The following TNS4 variants were observed in gnomAD, a reference collection of about 807,000 sequenced individuals.
TNS4 encodes tensin-4.
TNS4 carries 46 observed loss-of-function variants against 70.4 expected under a neutral mutation model. The ratio of observed to expected loss-of-function variants is 0.65; its 90% confidence interval spans 0.52 to 0.84. The LOEUF is 0.84. Ranked by LOEUF, TNS4 falls within the 40% of genes least tolerant of loss-of-function variation. The pLI, the probability that TNS4 is intolerant of heterozygous loss-of-function variation, is 0.00. For synonymous variants in TNS4, 390 were observed against 366.6 expected, an observed-to-expected ratio of 1.06 and a Z score of -0.73; for missense variants, 863 against 907.0, an observed-to-expected ratio of 0.95 and a Z score of 0.62.
intron 10 of TNS4, among the ~76,000 whole-genome samples, chr17:40,478,916 A>G (rs1028077437): frequency 2.0e-5 from 3 of 152,016 alleles, no homozygotes; most frequent in Non-Finnish European, 4.4e-5. Context: ...TTTTTTGGCC[A>G]CTAACTTTTT....
chr17:40,476,397 T>C lies in TNS4; in HGVS notation c.*1191A>G, dbSNP rs2035848523. The C allele has an allele frequency of 6.7e-6, 1 of 150,008 alleles. No homozygotes were observed. Among genetic ancestry groups the C allele is most frequent in the South Asian group, 2.1e-4 (1 of 4,658 alleles). 9.3% of individuals were successfully genotyped at this position (150,008 alleles called of 1,614,324 possible). ...GTGTGTGTGTGTGTGTGTGTGTGTG[T>C]GTGTGTGTGTGTGTGTGTGTGTGTG... On this transcript the variant is annotated 3_prime_UTR_variant, in exon 13 of 13. Coordinates refer to ENST00000254051, the MANE Select transcript of TNS4 (RefSeq NM_032865.6).
intron 2 of TNS4, among the ~76,000 whole-genome samples, chr17:40,490,769 G>A (rs2036058307): frequency 6.6e-6 from 1 of 152,228 alleles, no homozygotes; most frequent in Middle Eastern, 3.2e-3. Context: ...TGGCTTTGCT[G>A]CTTTTCAGCC....
chr17:40,483,721 C>A (rs1238578144), intron 6 of TNS4, among the ~76,000 whole-genome samples: 1 of 152,166 alleles, frequency 6.6e-6, no homozygotes, highest in African/African-American at 2.4e-5. Context: ...CCCCAGAGGT[C>A]ACTTTCTTAT....
intron 2 of TNS4, among the ~76,000 whole-genome samples, chr17:40,493,528 C>T (rs1277870486): frequency 6.6e-6 from 1 of 152,156 alleles, no homozygotes; most frequent in East Asian, 1.9e-4. Context: ...GCTGACCTGG[C>T]TGGGTTGTCT....
chr17:40,493,010 A>G (rs2036096047), intron 2 of TNS4, among the ~76,000 whole-genome samples: 1 of 152,036 alleles, frequency 6.6e-6, no homozygotes, highest in Non-Finnish European at 1.5e-5. Context: ...GAAAAAAAAA[A>G]TAAGAAATTA....
In TNS4 at chr17:40,496,496, C is replaced by T; in HGVS notation, c.-71G>A. On this transcript the variant is annotated 5_prime_UTR_variant, in exon 2 of 13. It adds an upstream start codon to the 5' untranslated region. Coordinates refer to ENST00000254051, the MANE Select transcript of TNS4 (RefSeq NM_032865.6). ...CCTCACTGACATCCCAGAGATCTCA[C>T]TTGCTAACCAGGAGCTCCCAGGATC... The T allele has an allele frequency of 2.0e-6, 3 of 1,483,276 alleles. No homozygotes were observed. The highest frequency in any genetic ancestry group is 2.7e-6 in the Non-Finnish European group (3 of 1,110,546). 91.9% of individuals were successfully genotyped at this position (1,483,276 alleles called of 1,614,324 possible).
At chr17:40,489,849 G>A (rs1471216344) in intron 2 of TNS4, among the ~76,000 whole-genome samples, 1 of 150,986 alleles carries the variant, frequency 6.6e-6, no homozygotes, top group African/African-American at 2.4e-5. Flanking sequence ...TGAAAGCAGG[G>A]ATTCTCAAGC....
chr17:40,498,237 C>T (rs1459248495), intron 1 of TNS4, among the ~76,000 whole-genome samples: 2 of 152,102 alleles, frequency 1.3e-5, no homozygotes, highest in East Asian at 1.9e-4. Flanking sequence ...CTCTGGGATC[C>T]GAAGGTTTAG....
At position 40,488,702 on chromosome 17, in the gene TNS4, A is replaced by AT; in HGVS notation, c.706dup (p.Met236AsnfsTer46). The AT allele has an allele frequency of 6.3e-7, 1 of 1,587,608 alleles. No individual in the cohort carries two copies. The highest frequency in any genetic ancestry group is 1.1e-5 in the South Asian group (1 of 89,398). ...ATGGGGGCTCGAGGCCTTGCTCCCCATGCAAGGGATTGAGATGCTGGGGGA... is the reference window on the plus strand; with the variant it reads ...ATGGGGGCTCGAGGCCTTGCTCCCCATTGCAAGGGATTGAGATGCTGGGGGA... On this transcript the variant is annotated frameshift_variant, in exon 3 of 13. Transcript: ENST00000254051. LOFTEE classifies it high-confidence loss of function.
intron 6 of TNS4, among the ~76,000 whole-genome samples, 169 bp from the exon 7 acceptor site, chr17:40,482,585 GAC>G (rs3833860): frequency 0.25 from 35,842 of 144,852 alleles, 4,290 homozygotes; most frequent in Middle Eastern, 0.38. Flanking sequence ...CTCTACTAAA[GAC>G]ACACACACAC....
chr17:40,482,782 G>GA (rs1214825376), intron 6 of TNS4, among the ~76,000 whole-genome samples: 42 of 143,980 alleles, frequency 2.9e-4, no homozygotes, highest in East Asian at 8.0e-4. Context: ...TGTCTCACCG[G>GA]AAAAAAAAAA....
chr17:40,493,079 A>AT (rs2036096924), intron 2 of TNS4, among the ~76,000 whole-genome samples: 1 of 152,006 alleles, frequency 6.6e-6, no homozygotes, highest in African/African-American at 2.4e-5. Flanking sequence ...AGGTGGGAGG[A>AT]TTGCTTGAGC....
chr17:40,489,605 C>T (rs1294855566), intron 2 of TNS4, among the ~76,000 whole-genome samples: 1 of 152,012 alleles, frequency 6.6e-6, no homozygotes, highest in Non-Finnish European at 1.5e-5. Context: ...GTCAGGAGTT[C>T]AAGACCAGCC....
At chr17:40,500,145 T>C (rs952631977) in intron 1 of TNS4, among the ~76,000 whole-genome samples, 9 of 152,148 alleles carry the variant, frequency 5.9e-5, no homozygotes, top group African/African-American at 2.2e-4. Flanking sequence ...TAAACCCAGG[T>C]GGTCTTGCTC....
At chr17:40,480,839 C>T (rs771925248) in intron 8 of TNS4, 71 bp from the exon 9 acceptor site, 1 of 1,531,708 alleles carries the variant, frequency 6.5e-7, no homozygotes, top group Admixed American at 1.9e-5. Flanking sequence ...CTCACAGGAA[C>T]AGGCCTCATG....
intron 8 of TNS4, 178 bp from the exon 9 acceptor site, chr17:40,480,946 T>C (rs2035914609): frequency 1.5e-6 from 1 of 660,424 alleles, no homozygotes. Context: ...CACTTTGGGC[T>C]CCCTAAATGC....
intron 4 of TNS4, among the ~76,000 whole-genome samples, chr17:40,486,272 C>G (rs777064581): frequency 6.0e-4 from 91 of 152,322 alleles, no homozygotes; most frequent in Non-Finnish European, 4.4e-4. Flanking sequence ...CCATCCACCC[C>G]CTCTGTGTTC....
intron 2 of TNS4, among the ~76,000 whole-genome samples, chr17:40,489,569 A>G (rs1198837090): frequency 2.0e-4 from 31 of 152,096 alleles, no homozygotes; most frequent in Admixed American, 2.0e-3. Flanking sequence ...GCACTTTGGG[A>G]GGCCTAGGCG....
rs1267311304 is a variant in TNS4 at position 40,478,080 on chromosome 17, G to A, written c.2006+227C>T. On this transcript the variant is annotated intron_variant, in intron 12 of 12. Coordinates refer to ENST00000254051, the MANE Select transcript of TNS4 (RefSeq NM_032865.6). Reference sequence around the variant, plus strand: ...TAGCTTGAGGCTCCCTGAAGTTAGAGCCTGTGCCTCTTGCAGAAGATTGAG... The same window carrying A: ...TAGCTTGAGGCTCCCTGAAGTTAGAACCTGTGCCTCTTGCAGAAGATTGAG... The A allele has an allele frequency of 1.8e-5, 11 of 628,218 alleles. No individual in the cohort carries two copies. In the East Asian group the frequency reaches 2.7e-4, roughly 16 times the overall value. The allele number at this position is 628,218 out of a possible 1,614,324, so 38.9% of individuals were successfully genotyped here.
Sources: allele counts gnomAD v4.1 joint callset (sites outside exome capture counted in the v4.1 genomes callset), GRCh38; gene constraint gnomAD v4.1.1; transcripts MANE v1.5; gene names NCBI Gene and HGNC (gene_info 2026-07-23, HGNC 2026-07-21).